Variants in OSGEP observed in about 807,000 individuals in gnomAD.
The protein encoded by OSGEP is tRNA N6-adenosine threonylcarbamoyltransferase.
OSGEP carries 39 observed loss-of-function variants against 44.1 expected under a neutral mutation model. That is an observed-to-expected ratio of 0.88 (90% CI 0.69 to 1.16). The LOEUF is 1.16. OSGEP is among the 50% of genes most tolerant of loss of function. The pLI is 0.00. For missense variants in OSGEP, 403 were observed against 443.1 expected, an observed-to-expected ratio of 0.91 and a Z score of 0.81; for synonymous variants, 139 against 161.9, an observed-to-expected ratio of 0.86 and a Z score of 1.07.
intron 2 of OSGEP, 63 bp downstream of exon 2, chr14:20,452,266 C>A: frequency 6.2e-7 from 1 of 1,602,716 alleles, no homozygotes; most frequent in South Asian, 1.1e-5. Context: ...AAGGTGTTGG[C>A]TATTTTGACC....
At chr14:20,450,556 T>C (rs1229116872) in intron 3 of OSGEP, 1 of 152,244 alleles carries the variant, frequency 6.6e-6, no homozygotes, top group South Asian at 2.1e-4. Context: ...GCCTCCATTA[T>C]ACTTTCCACA....
In OSGEP at chr14:20,447,909, A is replaced by G; in HGVS notation, c.788T>C (p.Val263Ala). Reference protein sequence around the residue: ...GSQEALIVGGVGCNVRLQEMM... With the variant: ...GSQEALIVGGAGCNVRLQEMM... The stretch of plus-strand genomic sequence containing the variant: ...CACTTTTCAATAATACATACACCCC[A>G]CTCCTCCCACAATGAGGGCCTCCTG... The change falls in exon 8 of 11, where the codon GTG becomes GCG. Residue 263 changes from valine to alanine, a missense_variant. Physicochemically the swap from Val to Ala is moderately conservative, Grantham distance 64. Coordinates refer to ENST00000206542, the MANE Select transcript of OSGEP (RefSeq NM_017807.4). 1.2e-6 allele frequency: 2 copies of G among 1,602,706 alleles called. No individual in the cohort carries two copies. Among genetic ancestry groups the G allele is most frequent in the Non-Finnish European group, 1.7e-6 (2 of 1,169,888 alleles).
In OSGEP at chr14:20,452,540, T is replaced by C. The variant is rs1035244555; in HGVS notation, c.116-92A>G. On this transcript the variant is annotated intron_variant, in intron 1 of 10. Transcript: ENST00000206542. ...GAAAGCAACAGGAGTTTTAGTGATG[T>C]AGTAAGAGTCCTTTCACTTTCCCCA... 4.1e-5 allele frequency: 51 copies of C among 1,231,096 alleles called. No individual in the cohort carries two copies. The South Asian group carries it at 6.0e-4, about 14-fold the overall frequency. The allele number at this position is 1,231,096 out of a possible 1,614,324, so 76.3% of individuals were successfully genotyped here.
In OSGEP at chr14:20,447,259, T is replaced by C. The variant is rs1347707364; in HGVS notation, c.989A>G (p.Glu330Gly). 1 of 1,614,146 alleles carries C rather than the reference T, an allele frequency of 6.2e-7. No homozygotes were observed. Among genetic ancestry groups the C allele is most frequent in the Middle Eastern group, 1.6e-4 (1 of 6,062 alleles). The change falls in exon 11 of 11, where the codon GAG (glutamate) becomes GGG (glycine). Residue 330 changes from glutamate (E) to glycine (G), a missense_variant. Physicochemically the swap from Glu to Gly is moderately conservative, Grantham distance 98. Transcript: ENST00000206542. ...ATCTTATTAGTCCCTCCAGGTCACC[T>C]CTACTTCATCTGTCCGATACCTGTG... ...VTQRYRTDEV[E>G]VTWRD is the part of the protein sequence containing the mutation.
In OSGEP at chr14:20,447,995, C is replaced by G; in HGVS notation, c.703-1G>C. On this transcript the variant is annotated splice_acceptor_variant, in intron 7 of 10. Coordinates refer to ENST00000206542, the MANE Select transcript of OSGEP (RefSeq NM_017807.4). LOFTEE classifies it high-confidence loss of function. ...CTACCAGCATTGCAAACACAGTTTC[C>G]TGTCAGGGACAGATAAGGAGAAAAT... 1 of 1,612,910 alleles carries G rather than the reference C, an allele frequency of 6.2e-7. No homozygotes were observed. Among genetic ancestry groups the G allele is most frequent in the Non-Finnish European group, 8.5e-7 (1 of 1,178,842 alleles).
chr14:20,449,253 G>A lies in OSGEP; in HGVS notation c.425C>T (p.Ser142Leu), dbSNP rs761684903. ...SGGNTQVIAY[S>L]EHRYRIFGET... The stretch of plus-strand genomic sequence containing the variant: ...CCCAAAGATACGGTAACGATGTTCC[G>A]AGTATGCAATCACCTAAGGGTGATG... Residue 142 changes from serine to leucine, a missense_variant, in exon 4 of 11, where the codon TCG becomes TTG. Ser to Leu is a moderately radical substitution (Grantham distance 145). Coordinates refer to ENST00000206542, the MANE Select transcript of OSGEP (RefSeq NM_017807.4). The A allele has an allele frequency of 7.5e-6, 12 of 1,605,410 alleles. No individual in the cohort carries two copies. The highest frequency in any genetic ancestry group is 1.7e-4 in the Middle Eastern group (1 of 6,060).
Position 20,448,181 on chromosome 14 carries a change from A to C in OSGEP, c.637-10T>G, listed in dbSNP as rs1418706572. On this transcript the variant is annotated splice_polypyrimidine_tract_variant and intron_variant, in intron 6 of 10. Coordinates refer to ENST00000206542, the MANE Select transcript of OSGEP (RefSeq NM_017807.4). ...TCCGATGGGCTACATCCTACAATTA[A>C]AGGGAAAAACAAAAGAATCAACAAA... The C allele has an allele frequency of 6.2e-7, 1 of 1,609,618 alleles. No homozygotes were observed. Among genetic ancestry groups the C allele is most frequent in the African/African-American group, 1.3e-5 (1 of 74,844 alleles).
At chr14:20,451,701 T>C in intron 3 of OSGEP, 1 of 318,336 alleles carries the variant, frequency 3.1e-6, no homozygotes. Context: ...ATTTCAATCC[T>C]TTTCAATCCC....
chr14:20,448,720 C>T lies in OSGEP; in HGVS notation c.636+13G>A. The stretch of plus-strand genomic sequence containing the variant: ...AGCATGAAAGTGCCCGTCTCATCAC[C>T]TCTCACACTCACCTCAATGAAAGAC... On this transcript the variant is annotated intron_variant, in intron 6 of 10. Transcript: ENST00000206542. 2.5e-6 allele frequency: 4 copies of T among 1,591,178 alleles called. No homozygotes were observed. The South Asian group carries it at 3.3e-5, about 13-fold the overall frequency.
At position 20,447,419 on chromosome 14, in the gene OSGEP, C is replaced by T. The variant is rs1259200742; in HGVS notation, c.968+3G>A. ...TACCCTCACCAAGAGGTGAATCACT[C>T]ACCTCTGTGTAACCCCAGAATCACT... On this transcript the variant is annotated splice_donor_region_variant and intron_variant, in intron 10 of 10. Coordinates refer to ENST00000206542, the MANE Select transcript of OSGEP (RefSeq NM_017807.4). The T allele has an allele frequency of 1.2e-6, 2 of 1,612,876 alleles. No individual in the cohort carries two copies. Among genetic ancestry groups the T allele is most frequent in the Non-Finnish European group, 1.7e-6 (2 of 1,178,944 alleles).
chr14:20,452,040 C>T lies in OSGEP; in HGVS notation c.345G>A (p.Glu115=). The change falls in exon 3 of 11, where the codon GAG becomes GAA. Residue 115 remains glutamate, a synonymous_variant. Transcript: ENST00000206542. ...VGVNHCIGHI[E]MGRLITGATS... ...TGGCTCCAGTGATGAGGCGGCCCAT[C>T]TCAATGTGGCCTATACAGTGGTTCA... 1 of 1,613,698 alleles carries T rather than the reference C, an allele frequency of 6.2e-7. No individual in the cohort carries two copies. The highest frequency in any genetic ancestry group is 1.3e-5 in the African/African-American group (1 of 75,026).
intron 1 of OSGEP, among the ~76,000 whole-genome samples, chr14:20,453,661 C>T (rs112356031): frequency 2.6e-4 from 39 of 152,270 alleles, no homozygotes; most frequent in African/African-American, 9.4e-4. Context: ...AGCCACCACG[C>T]CCAGCCGTGT....
Position 20,451,930 on chromosome 14 carries a change from G to A in OSGEP, c.411+44C>T, listed in dbSNP as rs764127041. The A allele has an allele frequency of 2.0e-6, 3 of 1,469,348 alleles. No individual in the cohort carries two copies. In the African/African-American group the frequency reaches 4.2e-5, roughly 21 times the overall value. The allele number at this position is 1,469,348 out of a possible 1,614,324, so 91.0% of individuals were successfully genotyped here. A position where few individuals can be genotyped will look rare whatever the true frequency, so the allele number is the denominator to read the frequency against. ...ATAGAACAAAGAAAATACTGGTTCA[G>A]TGCCTCAGAAATTGAGATGGAGTGG... On this transcript the variant is annotated intron_variant, in intron 3 of 10. Coordinates refer to ENST00000206542, the MANE Select transcript of OSGEP (RefSeq NM_017807.4).
intron 1 of OSGEP, 36 bp downstream of exon 1, chr14:20,454,533 G>C: frequency 7.3e-7 from 1 of 1,373,242 alleles, no homozygotes. Flanking sequence ...GTGCGGGGAA[G>C]TGCGCGGAAA....
Position 20,447,114 on chromosome 14 carries a change from G to T in OSGEP, c.*126C>A, listed in dbSNP as rs1415784451. On this transcript the variant is annotated 3_prime_UTR_variant, in exon 11 of 11. Transcript: ENST00000206542. ...CTGAGTCATCCTGGGGTTCCATAAA[G>T]GACCCCAAGCCTTGCTTGGAGTCTA... The T allele has an allele frequency of 7.6e-6, 6 of 793,086 alleles. No homozygotes were observed. Among genetic ancestry groups the T allele is most frequent in the Admixed American group, 2.2e-5 (1 of 44,534 alleles). 49.1% of individuals were successfully genotyped at this position (793,086 alleles called of 1,614,324 possible). A position where few individuals can be genotyped will look rare whatever the true frequency, so the allele number is the denominator to read the frequency against.
Position 20,454,719 on chromosome 14 carries a change from G to C in OSGEP, c.-36C>G, listed in dbSNP as rs780492250. The C allele has an allele frequency of 6.7e-7, 1 of 1,489,086 alleles. No homozygotes were observed. Among genetic ancestry groups the C allele is most frequent in the South Asian group, 1.1e-5 (1 of 88,366 alleles). The allele number at this position is 1,489,086 out of a possible 1,614,324, so 92.2% of individuals were successfully genotyped here. A position where few individuals can be genotyped will look rare whatever the true frequency, so the allele number is the denominator to read the frequency against. On this transcript the variant is annotated 5_prime_UTR_variant, in exon 1 of 11. Transcript: ENST00000206542. ...GGGAGAAAACGCCGACAGGACTCCTGGCAATGTCAGGAGCTGTGGAGGTCC... is the reference window on the plus strand; with the variant it reads ...GGGAGAAAACGCCGACAGGACTCCTCGCAATGTCAGGAGCTGTGGAGGTCC...
intron 1 of OSGEP, among the ~76,000 whole-genome samples, chr14:20,452,699 T>G (rs115013627): frequency 7.0e-6 from 1 of 143,764 alleles, no homozygotes; most frequent in Non-Finnish European, 1.5e-5. Context: ...CCTCATACCC[T>G]TTCGTGATCT....
At chr14:20,449,432 T>C (rs1170328103) in intron 3 of OSGEP, 166 bp from the exon 4 acceptor site, 2 of 611,014 alleles carry the variant, frequency 3.3e-6, no homozygotes, top group South Asian at 1.9e-5. Flanking sequence ...CAGCTCTGAT[T>C]TGAGAAGAAA....
At chr14:20,449,464 AG>A (rs1469026962) in intron 3 of OSGEP, 198 bp from the exon 4 acceptor site, 7 of 564,378 alleles carry the variant, frequency 1.2e-5, no homozygotes, top group Non-Finnish European at 1.9e-5. Context: ...TGAGGATTCC[AG>A]GAACAGATTC....
Sources: gnomAD v4.1 joint callset for allele counts (sites outside exome capture counted in the v4.1 genomes callset) on GRCh38, gnomAD v4.1.1 for gene constraint, MANE v1.5 for transcripts, NCBI Gene and HGNC (gene_info 2026-07-23, HGNC 2026-07-21) for gene names.